HHIP: variants seen among roughly 807,000 people sequenced by gnomAD.
HHIP encodes hedgehog interacting protein, also known as hedgehog-interacting protein.
Under a neutral mutation model 74.0 loss-of-function variants are expected in HHIP, and 12 were observed. The observed-to-expected ratio is 0.16, with a 90% CI of 0.10 to 0.26. HHIP has a LOEUF of 0.26. Ranked by LOEUF, HHIP falls within the 10% of genes least tolerant of loss-of-function variation. HHIP has a pLI of 1.00. For synonymous variants in HHIP, 309 were observed against 311.6 expected (o/e 0.99, Z 0.09); for missense variants, 788 against 845.0 (o/e 0.93, Z 0.84).
intron 4 of HHIP, among the ~76,000 whole-genome samples, chr4:144,694,281 A>C (rs1023302974): frequency 6.6e-6 from 1 of 151,664 alleles, no homozygotes; most frequent in African/African-American, 2.4e-5. Flanking sequence ...CATGGAGGAA[A>C]CCTCATATTT....
intron 4 of HHIP, among the ~76,000 whole-genome samples, chr4:144,705,594 A>C (rs978276740): frequency 5.9e-5 from 9 of 152,204 alleles, no homozygotes; most frequent in African/African-American, 2.2e-4. Context: ...CTTTGATTTC[A>C]TTATAGAAAT....
At chr4:144,704,944 C>G (rs6812389) in intron 4 of HHIP, among the ~76,000 whole-genome samples, 59,154 of 151,972 alleles carry the variant, frequency 0.39, 13,760 homozygotes, top group South Asian at 0.52. Context: ...ATATTAAAAT[C>G]ACCAGAACAA....
rs778001583 is a variant in HHIP at position 144,741,141 on chromosome 4, AT to A, written c.*3185del. ...TTTTTTTCAATGTAATTATTGTAAA[AT>A]ATATTTTTTTATTTTATCATGAAGA... On this transcript the variant is annotated 3_prime_UTR_variant, in exon 13 of 13. Transcript: ENST00000296575. 12 of 11,820 alleles carry A rather than the reference AT, an allele frequency of 1.0e-3. No homozygotes were observed. Among genetic ancestry groups the A allele is most frequent in the Non-Finnish European group, 4.4e-3 (6 of 1,364 alleles). 0.7% of individuals were successfully genotyped at this position (11,820 alleles called of 1,614,324 possible). A position where few individuals can be genotyped will look rare whatever the true frequency, so the allele number is the denominator to read the frequency against.
At chr4:144,669,966 C>T (rs1728986420) in intron 4 of HHIP, among the ~76,000 whole-genome samples, 1 of 132,826 alleles carries the variant, frequency 7.5e-6, no homozygotes, top group African/African-American at 2.6e-5. Flanking sequence ...ATGGAAAAAC[C>T]CCGTCTCTAC....
chr4:144,676,941 C>A (rs901428771), intron 4 of HHIP, among the ~76,000 whole-genome samples: 1 of 152,178 alleles, frequency 6.6e-6, no homozygotes. Flanking sequence ...ATGGGCATTG[C>A]CTTTCATGCA....
At chr4:144,714,720 T>C (rs1458964239) in intron 9 of HHIP, among the ~76,000 whole-genome samples, 1 of 152,176 alleles carries the variant, frequency 6.6e-6, no homozygotes, top group African/African-American at 2.4e-5. Flanking sequence ...ATTGCAAGGC[T>C]CAAGATTTTT....
chr4:144,652,041 A>G (rs1169048081), intron 1 of HHIP, among the ~76,000 whole-genome samples: 1 of 152,112 alleles, frequency 6.6e-6, no homozygotes, highest in African/African-American at 2.4e-5. Context: ...TTTATAAAAC[A>G]TGAACAGCAA....
Position 144,706,583 on chromosome 4 carries a change from A to G in HHIP, c.884A>G (p.Lys295Arg), listed in dbSNP as rs138979585. Residue 295 changes from lysine (K) to arginine (R), a missense_variant, in exon 5 of 13, where the codon AAA becomes AGA. Physicochemically the swap from Lys to Arg is conservative, Grantham distance 26. Transcript: ENST00000296575. ...CTCGCATTCCATCCCAATTACAAGAAAAATGGAAAGTTGTATGTGTCCTAT... is the reference window on the plus strand; with the variant it reads ...CTCGCATTCCATCCCAATTACAAGAGAAATGGAAAGTTGTATGTGTCCTAT... ...LSLAFHPNYK[K>R]NGKLYVSYTT... The G allele has an allele frequency of 9.3e-6, 15 of 1,613,184 alleles. No homozygotes were observed. Among genetic ancestry groups the G allele is most frequent in the African/African-American group, 8.0e-5 (6 of 74,898 alleles).
intron 6 of HHIP, among the ~76,000 whole-genome samples, chr4:144,707,709 G>T (rs1284771497): frequency 1.4e-5 from 2 of 142,334 alleles, no homozygotes; most frequent in Admixed American, 1.4e-4. Flanking sequence ...ACAGTGTCTT[G>T]GTTCAGTTGC....
chr4:144,708,815 T>A (rs1193990356), intron 7 of HHIP, among the ~76,000 whole-genome samples: 1 of 152,236 alleles, frequency 6.6e-6, no homozygotes, highest in African/African-American at 2.4e-5. Flanking sequence ...CTTGTTATCA[T>A]AGCTTCACTT....
At chr4:144,679,723 T>A (rs1714184599) in intron 4 of HHIP, among the ~76,000 whole-genome samples, 1 of 152,218 alleles carries the variant, frequency 6.6e-6, no homozygotes, top group South Asian at 2.1e-4. Flanking sequence ...TTCTGTTCTG[T>A]ATGACATATT....
chr4:144,718,120 C>T (rs893854944), intron 10 of HHIP, among the ~76,000 whole-genome samples: 9 of 151,898 alleles, frequency 5.9e-5, no homozygotes, highest in African/African-American at 1.9e-4. Context: ...TTAAAAAATA[C>T]GGTACATAAA....
At chr4:144,726,915 A>T (rs1401843453) in intron 11 of HHIP, among the ~76,000 whole-genome samples, 2 of 152,070 alleles carry the variant, frequency 1.3e-5, no homozygotes, top group Non-Finnish European at 2.9e-5. Context: ...TGTGTTTCTA[A>T]TCTCTCCTGA....
chr4:144,701,747 C>G (rs765549416), intron 4 of HHIP, among the ~76,000 whole-genome samples: 1 of 152,114 alleles, frequency 6.6e-6, no homozygotes, highest in Non-Finnish European at 1.5e-5. Flanking sequence ...TGTTTCATGG[C>G]TTTCATAATA....
At chr4:144,691,904 A>T (rs560622700) in intron 4 of HHIP, among the ~76,000 whole-genome samples, 1 of 152,174 alleles carries the variant, frequency 6.6e-6, no homozygotes, top group East Asian at 1.9e-4. Context: ...TAGAAAAAAA[A>T]AATTTTCCTA....
In HHIP at chr4:144,704,561, A is replaced by G. The variant is rs113435721; in HGVS notation, c.832-1970A>G. ...TAATTCTACATTCTTAATTCCTGAG[A>G]AGCAACCAGCACAGTTCTGAAGCAT... is the stretch of plus-strand genomic sequence containing the variant. On this transcript the variant is annotated intron_variant, in intron 4 of 12. Transcript: ENST00000296575. 3.4e-3 allele frequency among the ~76,000 whole-genome samples: 522 copies of G among 152,276 alleles called. 3 individuals carry two copies. Among genetic ancestry groups the G allele is most frequent in the African/African-American group, 0.012 (483 of 41,546 alleles).
chr4:144,687,955 A>G (rs555158461), intron 4 of HHIP, among the ~76,000 whole-genome samples: 168 of 151,798 alleles, frequency 1.1e-3, no homozygotes, highest in Non-Finnish European at 1.5e-4. Context: ...ATCCCTTTTT[A>G]TGGATAAGGA....
chr4:144,737,852 T>C lies in HHIP; in HGVS notation c.1998T>C (p.Cys666=). The change falls in exon 13 of 13, where the codon TGT becomes TGC. Residue 666 remains cysteine (C), a synonymous_variant. Coordinates refer to ENST00000296575, the MANE Select transcript of HHIP (RefSeq NM_022475.3). ...AAAAAGGATATCTTGGTCCTCAATG[T>C]GAACAAGTGGACAGAAACATCCGCA... The part of the protein sequence containing the change: ...LCKKGYLGPQ[C]EQVDRNIRRV... 6.2e-7 allele frequency: 1 copy of C among 1,614,024 alleles called. No individual in the cohort carries two copies. The highest frequency in any genetic ancestry group is 8.5e-7 in the Non-Finnish European group (1 of 1,179,886).
chr4:144,708,398 T>A lies in HHIP; in HGVS notation c.1301+87T>A. On this transcript the variant is annotated intron_variant, in intron 7 of 12. Transcript: ENST00000296575. ...AAAATATAGCATAGAGCATATACCA[T>A]CACAGAGCAGCCAAAGGTAGTATCT... The A allele has an allele frequency of 2.2e-6, 3 of 1,380,878 alleles. 1 individual carries two copies. In the South Asian group the frequency reaches 3.6e-5, roughly 17 times the overall value. 85.5% of individuals were successfully genotyped at this position (1,380,878 alleles called of 1,614,324 possible). A position where few individuals can be genotyped will look rare whatever the true frequency, so the allele number is the denominator to read the frequency against.
Sources: gnomAD v4.1 joint callset for allele counts (sites outside exome capture counted in the v4.1 genomes callset) on GRCh38, gnomAD v4.1.1 for gene constraint, MANE v1.5 for transcripts, NCBI Gene and HGNC (gene_info 2026-07-23, HGNC 2026-07-21) for gene names.